LRP1B: variants seen among roughly 807,000 people sequenced by gnomAD.
LRP1B encodes the protein LDL receptor related protein 1B.
A neutral mutation model predicts 556.6 loss-of-function variants in LRP1B; 217 were observed. The ratio of observed to expected loss-of-function variants is 0.39; its 90% CI spans 0.35 to 0.44. The LOEUF (loss-of-function observed/expected upper bound fraction) is 0.44, where lower values mean the gene tolerates loss of function less well. Among genes scored for constraint, LRP1B ranks in the 20% least tolerant of loss-of-function variants. LRP1B has a pLI of 1.00. For synonymous variants in LRP1B, 2,047 were observed against 1,865.8 expected (o/e 1.10, Z -2.50); for missense variants, 5,053 against 5,620.8 (o/e 0.90, Z 3.23).
chr2:141,609,228 G>T (rs1170548903), intron 2 of LRP1B, among the ~76,000 whole-genome samples: 1 of 152,032 alleles, frequency 6.6e-6, no homozygotes, highest in Non-Finnish European at 1.5e-5. Flanking sequence ...AACATAATTG[G>T]CATGAGATGT....
At chr2:141,463,647 T>TATATAATTATATATATTATATATA (rs1559084150) in intron 3 of LRP1B, among the ~76,000 whole-genome samples, 1 of 124,660 alleles carries the variant, frequency 8.0e-6, no homozygotes, top group African/African-American at 3.1e-5. Flanking sequence ...TATTATATAT[T>TATATAATTATATATATTATATATA]ATATATAATT....
intron 51 of LRP1B, among the ~76,000 whole-genome samples, chr2:140,511,272 A>T (rs1689639094): frequency 6.7e-6 from 1 of 150,330 alleles, no homozygotes; most frequent in African/African-American, 2.4e-5. Context: ...TGGGGTATCA[A>T]AATACAATCC....
intron 2 of LRP1B, among the ~76,000 whole-genome samples, chr2:141,589,259 CTGTT>C (rs3041301): frequency 0.34 from 51,872 of 151,610 alleles, 9,805 homozygotes; most frequent in Non-Finnish European, 0.44. Context: ...GTTATGTACT[CTGTT>C]TGTTTTCTTA....
At chr2:141,196,096 G>A (rs955932658) in intron 6 of LRP1B, among the ~76,000 whole-genome samples, 1 of 152,052 alleles carries the variant, frequency 6.6e-6, no homozygotes, top group Non-Finnish European at 1.5e-5. Flanking sequence ...GTAAACTATG[G>A]TCAGGGGATG....
chr2:140,601,095 AAAAAC>A (rs200223836), intron 42 of LRP1B, among the ~76,000 whole-genome samples: 8,702 of 151,576 alleles, frequency 0.057, 385 homozygotes, highest in East Asian at 0.23. Context: ...CAAAAAAAAA[AAAAAC>A]ACTCTTAGTC....
rs73961485 is a variant in LRP1B, at chr2:140,765,688, T to C, written c.5758+3525A>G. Among the ~76,000 whole-genome samples the C allele has an allele frequency of 5.4e-3, 829 of 152,212 alleles. 13 individuals are homozygous for C. The highest frequency in any genetic ancestry group is 0.018 in the African/African-American group (760 of 41,556). The stretch of plus-strand genomic sequence containing the variant: ...TGCTTCATCTGGTAGAAAAAACAAT[T>C]TGTTCATTGTAGAAAGCTTTAATTT... On this transcript the variant is annotated intron_variant, in intron 35 of 90. Transcript: ENST00000389484.
At position 141,785,713 on chromosome 2, in the gene LRP1B, C is replaced by T. The variant is rs76990637; in HGVS notation, c.205+24566G>A. 6.7e-3 allele frequency among the ~76,000 whole-genome samples: 1,007 copies of T among 150,604 alleles called. 8 individuals are homozygous for T. Among genetic ancestry groups the T allele is most frequent in the African/African-American group, 0.022 (899 of 41,058 alleles). On this transcript the variant is annotated intron_variant, in intron 2 of 90. Transcript: ENST00000389484. ...GGAGCAGAAATTACTTGGCCTTCTC[C>T]GTATATAGTTCTTTCTATTCTTGGA...
At chr2:140,415,744 A>G (rs1411433175) in intron 66 of LRP1B, among the ~76,000 whole-genome samples, 1 of 152,028 alleles carries the variant, frequency 6.6e-6, no homozygotes, top group Non-Finnish European at 1.5e-5. Context: ...GCCTGTGTCC[A>G]TGTTTCCCCT....
intron 1 of LRP1B, among the ~76,000 whole-genome samples, chr2:142,076,845 C>T (rs1011632516): frequency 6.6e-6 from 1 of 152,040 alleles, no homozygotes; most frequent in Admixed American, 6.6e-5. Context: ...CCATGAAATG[C>T]AATATTTATG....
intron 66 of LRP1B, among the ~76,000 whole-genome samples, chr2:140,399,822 C>T (rs1684415336): frequency 6.6e-6 from 1 of 152,166 alleles, no homozygotes; most frequent in Admixed American, 6.6e-5. Flanking sequence ...AGTTAGAAGT[C>T]CTAAACTATG....
intron 1 of LRP1B, among the ~76,000 whole-genome samples, chr2:141,991,134 T>C (rs1702332167): frequency 6.6e-6 from 1 of 152,094 alleles, no homozygotes. Context: ...CCTTAAACAC[T>C]TAGTTACACA....
At chr2:140,532,970 T>TC (rs1690784143) in intron 47 of LRP1B, among the ~76,000 whole-genome samples, 2 of 48,378 alleles carry the variant, frequency 4.1e-5, no homozygotes, top group Admixed American at 1.7e-4. Context: ...CTCGATCTGT[T>TC]TACATGGCTG....
At chr2:141,980,265 T>C (rs964621695) in intron 1 of LRP1B, among the ~76,000 whole-genome samples, 5 of 152,070 alleles carry the variant, frequency 3.3e-5, no homozygotes, top group African/African-American at 9.7e-5. Context: ...TGAAAAGGAA[T>C]AACATGAACA....
chr2:141,723,406 T>C (rs1418340756), intron 2 of LRP1B, among the ~76,000 whole-genome samples: 1 of 151,134 alleles, frequency 6.6e-6, no homozygotes, highest in African/African-American at 2.4e-5. Flanking sequence ...AAATTATAGT[T>C]GCCTCACATG....
intron 83 of LRP1B, among the ~76,000 whole-genome samples, chr2:140,308,902 C>A (rs1468990472): frequency 6.6e-6 from 1 of 151,768 alleles, no homozygotes; most frequent in East Asian, 1.9e-4. Context: ...ACATCATAAA[C>A]TGAGACAAAG....
At position 141,328,994 on chromosome 2, in the gene LRP1B, G is replaced by A. The variant is rs548424329; in HGVS notation, c.344-74353C>T. ...TAGCTTCTTTATTAGCAATACAAAA[G>A]GGTCATGTCAGCAATCTCTGAAATT... On this transcript the variant is annotated intron_variant, in intron 3 of 90. Coordinates refer to ENST00000389484, the MANE Select transcript of LRP1B (RefSeq NM_018557.3). 1.4e-3 allele frequency among the ~76,000 whole-genome samples: 206 copies of A among 152,196 alleles called. 5 individuals carry two copies. The highest frequency in any genetic ancestry group is 2.4e-4 in the Non-Finnish European group (16 of 68,004).
At chr2:141,811,159 C>T (rs2381153) in intron 1 of LRP1B, among the ~76,000 whole-genome samples, 69,393 of 151,856 alleles carry the variant, frequency 0.46, 16,791 homozygotes, top group African/African-American at 0.61. Flanking sequence ...GCTTTTATCA[C>T]GTGAATCCCT....
intron 41 of LRP1B, among the ~76,000 whole-genome samples, chr2:140,698,189 C>T (rs41372951): frequency 0.46 from 69,274 of 151,590 alleles, 17,077 homozygotes; most frequent in Non-Finnish European, 0.56. Flanking sequence ...TCCTTGTCTA[C>T]TCCATGCTTT....
intron 2 of LRP1B, among the ~76,000 whole-genome samples, chr2:141,670,384 T>A (rs1020133347): frequency 2.6e-5 from 4 of 152,224 alleles, no homozygotes; most frequent in African/African-American, 9.6e-5. Context: ...ACTTTATTTT[T>A]AAAAATGTAT....
Sources: gnomAD v4.1 joint callset for allele counts (sites outside exome capture counted in the v4.1 genomes callset) on GRCh38, gnomAD v4.1.1 for gene constraint, MANE v1.5 for transcripts, NCBI Gene and HGNC (gene_info 2026-07-23, HGNC 2026-07-21) for gene names.